GARNL3: variants seen among roughly 807,000 people sequenced by gnomAD.
The protein encoded by GARNL3 is GTPase activating Rap/RanGAP domain like 3.
Under a neutral mutation model 125.0 loss-of-function variants are expected in GARNL3, and 63 were observed. The ratio of observed to expected loss-of-function variants is 0.50; its 90% CI spans 0.41 to 0.62. GARNL3 has a LOEUF of 0.62. Among genes scored for constraint, GARNL3 ranks in the 20% least tolerant of loss-of-function variants. The probability of loss-of-function intolerance (pLI) is 0.00; values close to 1 mark genes in which losing one functional copy is unlikely to be tolerated. For synonymous variants in GARNL3, 439 were observed against 457.5 expected, an observed-to-expected ratio of 0.96 and a Z score of 0.52; for missense variants, 994 against 1,244.0, an observed-to-expected ratio of 0.80 and a Z score of 3.02.
rs756595214 is a variant in GARNL3, at chr9:127,336,157, T to C, written c.903T>C (p.Asp301=). ...QVERKRHIGN[D]IVTIVFQEGE... is the part of the protein sequence containing the mutation. ...AAAGGAAACGCCACATTGGAAACGA[T>C]ATCGTCACCATTGTGTTCCAAGAAG... is the stretch of plus-strand genomic sequence containing the variant. Residue 301 remains aspartate, a synonymous_variant, in exon 11 of 28, where the codon GAT becomes GAC. Coordinates refer to ENST00000373387, the MANE Select transcript of GARNL3 (RefSeq NM_032293.5). 5.6e-6 allele frequency: 9 copies of C among 1,614,064 alleles called. No individual in the cohort carries two copies. The Admixed American group carries it at 1.5e-4, about 27-fold the overall frequency.
rs1424234956 is a variant in GARNL3, at chr9:127,237,558, C to A, written c.-28-5521C>A. Among the ~76,000 whole-genome samples the A allele has an allele frequency of 2.6e-5, 4 of 152,212 alleles. No homozygotes were observed. In the East Asian group the frequency reaches 7.7e-4, roughly 29 times the overall value. The stretch of plus-strand genomic sequence containing the variant: ...GCAAGTCATTCCACAGTATCTGCCA[C>A]AGACAGTATTTTTCTCCAATCATAA... On this transcript the variant is annotated intron_variant, in intron 1 of 10. Transcript: ENST00000439286.
intron 1 of GARNL3, among the ~76,000 whole-genome samples, chr9:127,275,056 G>C (rs1485961501): frequency 6.6e-6 from 1 of 152,122 alleles, no homozygotes; most frequent in Non-Finnish European, 1.5e-5. Flanking sequence ...ATCATCTGTT[G>C]TAGCAGGAAT....
At chr9:127,273,699 G>A (rs916283052) in intron 1 of GARNL3, among the ~76,000 whole-genome samples, 1 of 152,118 alleles carries the variant, frequency 6.6e-6, no homozygotes, top group Admixed American at 6.5e-5. Context: ...GTAGGATGCT[G>A]CTAAGAATTT....
intron 21 of GARNL3, among the ~76,000 whole-genome samples, chr9:127,361,537 C>A (rs1831000013): frequency 6.6e-6 from 1 of 152,190 alleles, no homozygotes; most frequent in African/African-American, 2.4e-5. Context: ...GAGACAGACA[C>A]CTATATCAAA....
intron 9 of GARNL3, 121 bp downstream of exon 9, chr9:127,333,242 G>A (rs772691334): frequency 5.4e-6 from 4 of 738,624 alleles, no homozygotes; most frequent in Non-Finnish European, 9.2e-6. Flanking sequence ...ACTGGAGGGA[G>A]GTGAGCTCCA....
intron 10 of GARNL3, among the ~76,000 whole-genome samples, chr9:127,335,591 G>GTATT (rs1269345072): frequency 3.3e-5 from 5 of 152,084 alleles, no homozygotes; most frequent in African/African-American, 1.2e-4. Context: ...ACATGTATAG[G>GTATT]TATTTGTATG....
intron 22 of GARNL3, among the ~76,000 whole-genome samples, chr9:127,368,376 G>A (rs1831406560): frequency 6.7e-6 from 1 of 149,978 alleles, no homozygotes; most frequent in Non-Finnish European, 1.5e-5. Context: ...TGTAGCCCAG[G>A]CTGGAGTGCA....
chr9:127,244,937 G>C (rs2131178394), intron 2 of GARNL3, among the ~76,000 whole-genome samples: 1 of 152,324 alleles, frequency 6.6e-6, no homozygotes, highest in South Asian at 2.1e-4. Flanking sequence ...TGAATTATCT[G>C]AGCAAGATGG....
intron 1 of GARNL3, among the ~76,000 whole-genome samples, chr9:127,233,254 C>G (rs1328306249): frequency 1.3e-5 from 2 of 152,048 alleles, no homozygotes; most frequent in Non-Finnish European, 2.9e-5. Flanking sequence ...AGCATATGTC[C>G]CTGAGTTGAC....
At chr9:127,279,150 A>C (rs564361703) in intron 1 of GARNL3, among the ~76,000 whole-genome samples, 111 of 151,892 alleles carry the variant, frequency 7.3e-4, no homozygotes, top group African/African-American at 2.7e-3. Flanking sequence ...GTTCCAATTC[A>C]GTTTCTTTCT....
intron 18 of GARNL3, 120 bp from the exon 19 acceptor site, chr9:127,354,174 G>A (rs1830559289): frequency 2.7e-6 from 2 of 743,954 alleles, no homozygotes; most frequent in South Asian, 1.7e-5. Flanking sequence ...GGTGTGGGGT[G>A]CCTCCTGAAT....
intron 16 of GARNL3, among the ~76,000 whole-genome samples, chr9:127,348,144 C>G (rs760716007): frequency 6.6e-6 from 1 of 152,094 alleles, no homozygotes; most frequent in African/African-American, 2.4e-5. Flanking sequence ...TCAACTTGGG[C>G]CTGAGAATCT....
chr9:127,265,672 A>C (rs2063688897), intron 1 of GARNL3, among the ~76,000 whole-genome samples: 1 of 152,210 alleles, frequency 6.6e-6, no homozygotes, highest in Non-Finnish European at 1.5e-5. Context: ...GATTTTTTCC[A>C]ATTACGTGAA....
At chr9:127,275,522 G>A (rs1015999339) in intron 1 of GARNL3, among the ~76,000 whole-genome samples, 1 of 152,196 alleles carries the variant, frequency 6.6e-6, no homozygotes, top group Admixed American at 6.5e-5. Context: ...CTGTCTCAGG[G>A]CAAGTTTCTG....
chr9:127,280,901 G>A lies in GARNL3; in HGVS notation c.145-10267G>A. Among the ~76,000 whole-genome samples, 1 of 152,200 alleles carries A rather than the reference G, an allele frequency of 6.6e-6. No homozygotes were observed. The highest frequency in any genetic ancestry group is 1.9e-4 in the East Asian group (1 of 5,198). ...GGTAACATGTGACAGATAAGGTGGAGGATGTGATGGGAAGTACAAAAATAA... is the reference window on the plus strand; with the variant it reads ...GGTAACATGTGACAGATAAGGTGGAAGATGTGATGGGAAGTACAAAAATAA... On this transcript the variant is annotated intron_variant, in intron 1 of 27. Transcript: ENST00000373387. The surrounding 1 kb of genome is among the most constrained non-coding windows in gnomAD (Gnocchi z 4.5).
chr9:127,264,459 C>T (rs1038746449), upstream of GARNL3: 12 of 962,502 alleles, frequency 1.2e-5, no homozygotes, highest in South Asian at 4.8e-5. Context: ...GAGCCTACCA[C>T]GATTGTGAAG....
chr9:127,363,080 C>T (rs1000931942), intron 21 of GARNL3: 4 of 152,478 alleles, frequency 2.6e-5, no homozygotes, highest in East Asian at 1.9e-4. Context: ...CACAGACAGG[C>T]CTTTGCGTCA....
intron 1 of GARNL3, among the ~76,000 whole-genome samples, chr9:127,275,594 A>C (rs1194969356): frequency 1.3e-5 from 2 of 152,178 alleles, no homozygotes; most frequent in African/African-American, 4.8e-5. Context: ...TTTGTTAAGG[A>C]GGGGAACATC....
intron 1 of GARNL3, among the ~76,000 whole-genome samples, chr9:127,233,592 AT>A: frequency 6.6e-6 from 1 of 152,308 alleles, no homozygotes; most frequent in Non-Finnish European, 1.5e-5. Context: ...AAGTGGTTAA[AT>A]TATGCTTGCT....
Sources: allele counts gnomAD v4.1 joint callset (sites outside exome capture counted in the v4.1 genomes callset), GRCh38; gene constraint gnomAD v4.1.1; non-coding constraint Gnocchi (gnomAD v3.1); transcripts MANE v1.5; gene names NCBI Gene and HGNC (gene_info 2026-07-23, HGNC 2026-07-21).